Variants in GABRA1 observed in about 807,000 individuals in gnomAD.
GABRA1 encodes the protein gamma-aminobutyric acid type A receptor subunit alpha1.
In GABRA1, 9 loss-of-function variants were observed where a neutral mutation model predicts 48.9. That is an observed-to-expected ratio of 0.18 (90% CI 0.11 to 0.32). The LOEUF (loss-of-function observed/expected upper bound fraction) is 0.32. Ranked by LOEUF, GABRA1 falls within the 10% of genes least tolerant of loss-of-function variation. The probability of loss-of-function intolerance (pLI) is 1.00; values close to 1 mark genes in which losing one functional copy is unlikely to be tolerated. For missense variants in GABRA1, 285 were observed against 553.8 expected, an observed-to-expected ratio of 0.51 and a Z score of 4.87; for synonymous variants, 210 against 198.7, an observed-to-expected ratio of 1.06 and a Z score of -0.48.
chr5:161,875,735 TC>T, intron 6 of GABRA1, 93 bp downstream of exon 6: 1 of 914,646 alleles, frequency 1.1e-6, no homozygotes, highest in Non-Finnish European at 1.8e-6. Flanking sequence ...GATAAGGGAA[TC>T]AAGAAAATTT....
chr5:161,864,675 T>C (rs1251482905), intron 3 of GABRA1, among the ~76,000 whole-genome samples: 1 of 151,878 alleles, frequency 6.6e-6, no homozygotes, highest in Admixed American at 6.6e-5. Context: ...TTGGGAAATA[T>C]ATAGTGTACT....
intron 6 of GABRA1, among the ~76,000 whole-genome samples, chr5:161,878,372 C>G (rs1325628230): frequency 6.6e-6 from 1 of 152,158 alleles, no homozygotes. Flanking sequence ...TTTCTCTGAC[C>G]TGGCCTACTT....
chr5:161,858,017 G>T (rs1365864785), intron 3 of GABRA1, among the ~76,000 whole-genome samples: 2 of 151,104 alleles, frequency 1.3e-5, no homozygotes, highest in East Asian at 1.9e-4. Context: ...AAAGAGGATA[G>T]AAAATAAAGA....
At chr5:161,874,817 C>A (rs865938539) in intron 5 of GABRA1, among the ~76,000 whole-genome samples, 3 of 151,920 alleles carry the variant, frequency 2.0e-5, no homozygotes, top group African/African-American at 7.3e-5. Context: ...ACATGAATAT[C>A]AATTTCCTTA....
At chr5:161,888,514 T>C (rs1453834425) in intron 7 of GABRA1, among the ~76,000 whole-genome samples, 1 of 152,096 alleles carries the variant, frequency 6.6e-6, no homozygotes, top group Non-Finnish European at 1.5e-5. Flanking sequence ...TTTGCAAAAA[T>C]GTCATGTTGA....
Position 161,897,572 on chromosome 5 carries a change from C to CT in GABRA1, c.*151dup. 1.3e-6 allele frequency: 1 copy of CT among 786,526 alleles called. No homozygotes were observed. The highest frequency in any genetic ancestry group is 2.5e-5 in the Admixed American group (1 of 39,992). The allele number at this position is 786,526 out of a possible 1,614,324, so 48.7% of individuals were successfully genotyped here. ...TAATTCATTTAAGAACAAGAGACCC[C>CT]TGTCTGGCAGTCTGGAGCAAAGCAG... On this transcript the variant is annotated 3_prime_UTR_variant, in exon 10 of 10. Coordinates refer to ENST00000393943, the MANE Select transcript of GABRA1 (RefSeq NM_001127644.2).
chr5:161,848,528 C>CGGGGGG (rs1450654848), intron 1 of GABRA1, 106 bp downstream of exon 1: 2 of 5,502 alleles, frequency 3.6e-4, no homozygotes, highest in Non-Finnish European at 3.4e-4. Context: ...CGGGGGGAGA[C>CGGGGGG]GGGGGGAGAG....
intron 3 of GABRA1, among the ~76,000 whole-genome samples, chr5:161,865,188 A>G (rs1431652777): frequency 6.6e-6 from 1 of 152,064 alleles, no homozygotes; most frequent in Non-Finnish European, 1.5e-5. Flanking sequence ...AGAGACTTAT[A>G]TGGGATGTCA....
intron 3 of GABRA1, among the ~76,000 whole-genome samples, chr5:161,862,618 C>T (rs151281132): frequency 2.0e-5 from 3 of 151,956 alleles, no homozygotes; most frequent in Admixed American, 6.6e-5. Flanking sequence ...TATGTTTTTC[C>T]TAAAGTAAGT....
intron 6 of GABRA1, among the ~76,000 whole-genome samples, chr5:161,879,299 A>T (rs1366308568): frequency 6.6e-6 from 1 of 152,010 alleles, no homozygotes; most frequent in Non-Finnish European, 1.5e-5. Flanking sequence ...TTTTGTAGAG[A>T]CAGAATTTTG....
chr5:161,860,326 G>T (rs905504974), intron 3 of GABRA1, among the ~76,000 whole-genome samples: 3 of 151,682 alleles, frequency 2.0e-5, no homozygotes, highest in African/African-American at 7.3e-5. Flanking sequence ...TGAAACTACT[G>T]CCATGTTTGT....
intron 4 of GABRA1, among the ~76,000 whole-genome samples, chr5:161,870,904 A>T (rs1754086524): frequency 6.6e-6 from 1 of 151,680 alleles, no homozygotes; most frequent in Admixed American, 6.6e-5. Flanking sequence ...AACTTCTAAC[A>T]GTGCAGAAAA....
At position 161,882,788 on chromosome 5, in the gene GABRA1, T is replaced by A. The variant is rs1016006700; in HGVS notation, c.703+87T>A. The A allele has an allele frequency of 2.7e-5, 35 of 1,304,572 alleles. No individual in the cohort carries two copies. The African/African-American group carries it at 4.5e-4, about 17-fold the overall frequency. The allele number at this position is 1,304,572 out of a possible 1,614,324, so 80.8% of individuals were successfully genotyped here. A position where few individuals can be genotyped will look rare whatever the true frequency, so the allele number is the denominator to read the frequency against. On this transcript the variant is annotated intron_variant, in intron 7 of 9. Coordinates refer to ENST00000393943, the MANE Select transcript of GABRA1 (RefSeq NM_001127644.2). Reference sequence around the variant, plus strand: ...TCAATGAATCATTCAGTAACACAAGTCTAGGAGAGAGAACATTTCACTAAA... The same window carrying A: ...TCAATGAATCATTCAGTAACACAAGACTAGGAGAGAGAACATTTCACTAAA...
chr5:161,896,240 A>G (rs1181596007), intron 9 of GABRA1, among the ~76,000 whole-genome samples: 1 of 152,188 alleles, frequency 6.6e-6, no homozygotes, highest in East Asian at 1.9e-4. Context: ...TGAAAGTTAT[A>G]TTCTTTTGGT....
At chr5:161,883,335 A>G (rs1754697659) in intron 7 of GABRA1, among the ~76,000 whole-genome samples, 1 of 152,184 alleles carries the variant, frequency 6.6e-6, no homozygotes, top group African/African-American at 2.4e-5. Context: ...GTAGCATGCC[A>G]TCCTTTTTAG....
intron 5 of GABRA1, among the ~76,000 whole-genome samples, chr5:161,874,479 A>C (rs545603199): frequency 2.0e-5 from 3 of 152,118 alleles, no homozygotes; most frequent in Non-Finnish European, 1.5e-5. Flanking sequence ...CTTGGCTTTG[A>C]GCCTAAATCC....
intron 6 of GABRA1, chr5:161,882,329 T>C (rs1030409191): frequency 1.2e-5 from 7 of 563,636 alleles, no homozygotes; most frequent in South Asian, 6.1e-5. Context: ...CAGTATTTTG[T>C]CCTTTGTAGA....
intron 3 of GABRA1, among the ~76,000 whole-genome samples, chr5:161,860,470 T>C (rs552378601): frequency 2.3e-3 from 333 of 147,896 alleles, no homozygotes; most frequent in Middle Eastern, 6.9e-3. Flanking sequence ...AGGATGGTTA[T>C]CAGGCAGGGT....
At chr5:161,884,832 T>C (rs1232057598) in intron 7 of GABRA1, among the ~76,000 whole-genome samples, 1 of 152,194 alleles carries the variant, frequency 6.6e-6, no homozygotes, top group Non-Finnish European at 1.5e-5. Context: ...TTAGTCATGT[T>C]ACTATAACCC....
Sources: gnomAD v4.1 joint callset for allele counts (sites outside exome capture counted in the v4.1 genomes callset) on GRCh38, gnomAD v4.1.1 for gene constraint, MANE v1.5 for transcripts, NCBI Gene and HGNC (gene_info 2026-07-23, HGNC 2026-07-21) for gene names.